Variants in TAF4B observed in about 807,000 individuals in gnomAD.
The protein encoded by TAF4B is TATA-box binding protein associated factor 4b, also known as transcription initiation factor TFIID subunit 4B.
Under a neutral mutation model 86.4 loss-of-function variants are expected in TAF4B, and 38 were observed. That is an observed-to-expected ratio of 0.44 (90% CI 0.34 to 0.58). The LOEUF (loss-of-function observed/expected upper bound fraction) is 0.58. Among genes scored for constraint, TAF4B ranks in the 20% least tolerant of loss-of-function variants. The pLI is 0.02. For synonymous variants in TAF4B, 388 were observed against 391.2 expected (o/e 0.99, Z 0.10); for missense variants, 988 against 1,027.6 (o/e 0.96, Z 0.53).
chr18:26,346,869 ATATATGTG>A (rs1368960488), intron 13 of TAF4B, among the ~76,000 whole-genome samples: 3 of 6,652 alleles, frequency 4.5e-4, no homozygotes, highest in African/African-American at 1.1e-3. Flanking sequence ...GTGTATATAT[ATATATGTG>A]TATATATATA....
rs113901591 is a variant in TAF4B at position 26,291,390 on chromosome 18, G to A, written c.1591-856G>A. On this transcript the variant is annotated intron_variant, in intron 7 of 14. Transcript: ENST00000269142. ...ATGGTCTAAGAAAATACTTTAGACC[G>A]GGCGTGGTGGCTCACGCCCTGTGTG... Among the ~76,000 whole-genome samples, 989 of 151,982 alleles carry A rather than the reference G, an allele frequency of 6.5e-3. 13 individuals carry two copies. Among genetic ancestry groups the A allele is most frequent in the African/African-American group, 0.023 (956 of 41,460 alleles).
chr18:26,335,051 G>A, intron 12 of TAF4B, 124 bp from the exon 13 acceptor site: 6 of 701,800 alleles, frequency 8.5e-6, no homozygotes, highest in Non-Finnish European at 1.4e-5. Flanking sequence ...CTGGATTGAG[G>A]TATTTTCCCC....
At chr18:26,389,335 A>AT (rs983872710) in intron 14 of TAF4B, among the ~76,000 whole-genome samples, 1 of 152,192 alleles carries the variant, frequency 6.6e-6, no homozygotes, top group African/African-American at 2.4e-5. Context: ...ACCATTGAAG[A>AT]TTTTGGAACC....
chr18:26,315,097 T>TAA lies in TAF4B; in HGVS notation c.1833-132_1833-131insAA, dbSNP rs1568147749. ...CTCTAATTCTTTTGCTCTCTGAAACTCTCTCTCTCTCTCTCTCTCTCTCTC... is the reference window on the plus strand; with the variant it reads ...CTCTAATTCTTTTGCTCTCTGAAACTAACTCTCTCTCTCTCTCTCTCTCTCTC... On this transcript the variant is annotated intron_variant, in intron 9 of 14. Transcript: ENST00000269142. 8 of 154,534 alleles carry TAA rather than the reference T, an allele frequency of 5.2e-5. No homozygotes were observed. The East Asian group carries it at 7.7e-4, about 15-fold the overall frequency. 9.6% of individuals were successfully genotyped at this position (154,534 alleles called of 1,614,324 possible).
intron 6 of TAF4B, among the ~76,000 whole-genome samples, chr18:26,284,221 C>T (rs1419035584): frequency 2.0e-5 from 3 of 152,188 alleles, no homozygotes; most frequent in African/African-American, 4.8e-5. Context: ...CTGCAGCTTC[C>T]TCACTTTTCA....
chr18:26,315,095 ACTCTCTCTCTCTCTCTCTCTCTCT>A, intron 9 of TAF4B, 110 bp from the exon 10 acceptor site: 1 of 218,604 alleles, frequency 4.6e-6, no homozygotes, highest in East Asian at 9.6e-5. Context: ...GCTCTCTGAA[ACTCTCTCTCTCTCTCTCTCTCTCT>A]CTCTCTCTCT....
chr18:26,385,094 A>G (rs1023776814), intron 14 of TAF4B, among the ~76,000 whole-genome samples: 1 of 152,204 alleles, frequency 6.6e-6, no homozygotes, highest in African/African-American at 2.4e-5. Context: ...TCCCGAAGCC[A>G]CTGGGTTCAT....
intron 13 of TAF4B, among the ~76,000 whole-genome samples, chr18:26,350,058 CA>C (rs2057232402): frequency 6.6e-6 from 1 of 152,074 alleles, no homozygotes; most frequent in Non-Finnish European, 1.5e-5. Context: ...ATTAAAAAGT[CA>C]AATGGTTCAG....
At chr18:26,345,711 G>A (rs2057171539) in intron 13 of TAF4B, among the ~76,000 whole-genome samples, 1 of 152,174 alleles carries the variant, frequency 6.6e-6, no homozygotes, top group Admixed American at 6.5e-5. Flanking sequence ...AAAATTGGAA[G>A]AGGCGACTTT....
At chr18:26,352,433 CA>C (rs1442067857) in intron 13 of TAF4B, among the ~76,000 whole-genome samples, 2 of 151,712 alleles carry the variant, frequency 1.3e-5, no homozygotes, top group Admixed American at 1.3e-4. Flanking sequence ...GAAGGAAGCA[CA>C]TATCTTTGAG....
At chr18:26,314,691 C>A (rs924585095) in intron 9 of TAF4B, among the ~76,000 whole-genome samples, 1 of 152,124 alleles carries the variant, frequency 6.6e-6, no homozygotes, top group Non-Finnish European at 1.5e-5. Context: ...GGATATGGAC[C>A]TTTCAGGACC....
At chr18:26,304,756 C>T (rs1207978979) in intron 9 of TAF4B, 2 of 985,168 alleles carry the variant, frequency 2.0e-6, no homozygotes, top group African/African-American at 3.5e-5. Flanking sequence ...TTTACTGACA[C>T]CTTTTTTTTA....
chr18:26,259,508 C>T (rs533525581), intron 1 of TAF4B, among the ~76,000 whole-genome samples: 57 of 152,014 alleles, frequency 3.7e-4, no homozygotes, highest in Non-Finnish European at 6.6e-4. Context: ...TGTTCAATTC[C>T]CACCTATGAG....
chr18:26,292,680 A>G (rs184237086), intron 8 of TAF4B, among the ~76,000 whole-genome samples: 7 of 152,116 alleles, frequency 4.6e-5, no homozygotes, highest in Admixed American at 4.6e-4. Flanking sequence ...GCACCACCAC[A>G]GCTGGCTAAT....
At chr18:26,262,989 C>T (rs1297643481) in intron 1 of TAF4B, among the ~76,000 whole-genome samples, 1 of 151,934 alleles carries the variant, frequency 6.6e-6, no homozygotes, top group Non-Finnish European at 1.5e-5. Flanking sequence ...TGTGCTCTGT[C>T]ACCTAGGCGG....
At chr18:26,348,600 TG>T (rs1217453629) in intron 13 of TAF4B, 1 of 154,106 alleles carries the variant, frequency 6.5e-6, no homozygotes, top group Non-Finnish European at 1.5e-5. Context: ...CCATCCATAC[TG>T]GAGAGACACC....
chr18:26,343,878 T>A (rs1324873922), intron 13 of TAF4B, among the ~76,000 whole-genome samples: 2 of 152,096 alleles, frequency 1.3e-5, no homozygotes, highest in African/African-American at 2.4e-5. Flanking sequence ...CAGGATACAA[T>A]ACAAAATCAC....
At chr18:26,329,871 C>A (rs1026638705) in intron 12 of TAF4B, among the ~76,000 whole-genome samples, 3 of 152,124 alleles carry the variant, frequency 2.0e-5, no homozygotes, top group Admixed American at 2.0e-4. Context: ...GTGGTGTGAT[C>A]ACTGCTCACT....
chr18:26,256,497 A>G (rs1048085494), intron 1 of TAF4B: 18 of 609,330 alleles, frequency 3.0e-5, no homozygotes, highest in East Asian at 1.4e-4. Flanking sequence ...TTGTTTTTCT[A>G]TTCTCTATTT....
Sources: gnomAD v4.1 joint callset for allele counts (sites outside exome capture counted in the v4.1 genomes callset) on GRCh38, gnomAD v4.1.1 for gene constraint, MANE v1.5 for transcripts, NCBI Gene and HGNC (gene_info 2026-07-23, HGNC 2026-07-21) for gene names.